The following LTN1 variants were observed in gnomAD, a reference collection of about 807,000 sequenced individuals.
LTN1 encodes listerin E3 ubiquitin protein ligase 1.
LTN1 carries 88 observed loss-of-function variants against 201.2 expected under a neutral mutation model. That is an observed-to-expected ratio of 0.44 (90% CI 0.37 to 0.52). The LOEUF is 0.52. LTN1 is among the 20% of genes least tolerant of loss of function. The pLI is 0.00. For missense variants in LTN1, 1,752 were observed against 2,038.7 expected, an observed-to-expected ratio of 0.86 and a Z score of 2.71; for synonymous variants, 645 against 713.5, an observed-to-expected ratio of 0.90 and a Z score of 1.53.
chr21:28,944,146 G>A (rs1054706315), intron 22 of LTN1, among the ~76,000 whole-genome samples: 2 of 152,114 alleles, frequency 1.3e-5, no homozygotes, highest in Non-Finnish European at 2.9e-5. Flanking sequence ...ATCCATTCAT[G>A]TTATCTGAAG....
At chr21:28,957,302 G>A (rs1425646776) in intron 15 of LTN1, 30 bp downstream of exon 15, 1 of 1,516,370 alleles carries the variant, frequency 6.6e-7, no homozygotes, top group Non-Finnish European at 8.8e-7. Context: ...ACTTCAGAAT[G>A]AGATATGTAC....
intron 1 of LTN1, among the ~76,000 whole-genome samples, chr21:28,990,122 G>C (rs988304277): frequency 1.1e-4 from 17 of 151,886 alleles, no homozygotes; most frequent in African/African-American, 4.1e-4. Flanking sequence ...TGCAACACTT[G>C]CCTTCCTCCA....
At chr21:28,939,524 A>G (rs759863841) in intron 25 of LTN1, among the ~76,000 whole-genome samples, 6 of 152,194 alleles carry the variant, frequency 3.9e-5, no homozygotes, top group Non-Finnish European at 7.3e-5. Flanking sequence ...GAACATTTAA[A>G]GTTTTCCGAA....
At chr21:28,965,831 C>CAAA in intron 11 of LTN1, 34 bp downstream of exon 11, 3 of 902,110 alleles carry the variant, frequency 3.3e-6, no homozygotes, top group South Asian at 1.9e-5. Context: ...CCCATAAATA[C>CAAA]AAAAAAAAAA....
intron 6 of LTN1, among the ~76,000 whole-genome samples, chr21:28,977,320 G>A (rs1200264162): frequency 2.0e-5 from 3 of 150,090 alleles, no homozygotes; most frequent in African/African-American, 2.5e-5. Context: ...GTTGCAGTGA[G>A]CTGAGATCAT....
At position 28,958,487 on chromosome 21, in the gene LTN1, C is replaced by T. The variant is rs776403878; in HGVS notation, c.2646G>A (p.Leu882=). The T allele has an allele frequency of 1.2e-6, 2 of 1,610,658 alleles. No individual in the cohort carries two copies. Among genetic ancestry groups the T allele is most frequent in the Admixed American group, 3.4e-5 (2 of 59,496 alleles). ...KNTWLSGVNL[L]VHQTDSSYKE... ...TATATGAACTGTCAGTTTGATGAACCAATAAATTTACACCAGAGAGCCAAG... is the reference window on the plus strand; with the variant it reads ...TATATGAACTGTCAGTTTGATGAACTAATAAATTTACACCAGAGAGCCAAG... The change falls in exon 14 of 30, where the codon TTG becomes TTA. Residue 882 remains leucine (L), a synonymous_variant. Transcript: ENST00000361371.
intron 11 of LTN1, 88 bp from the exon 12 acceptor site, chr21:28,960,794 TTC>T (rs1015550114): frequency 1.2e-6 from 1 of 848,766 alleles, no homozygotes; most frequent in African/African-American, 1.7e-5. Context: ...TTACTATCCC[TTC>T]GTTATCATGG....
rs1160828934 is a variant in LTN1, at chr21:28,945,898, C to T, written c.3677G>A (p.Arg1226Gln). 2.5e-6 allele frequency: 4 copies of T among 1,613,190 alleles called. No homozygotes were observed. The highest frequency in any genetic ancestry group is 2.7e-5 in the African/African-American group (2 of 74,838). ...GTATTTCAGAAATAGGGAAAGAAACCGGATTATTTCTATATTTACACCCAG... is the reference window on the plus strand; with the variant it reads ...GTATTTCAGAAATAGGGAAAGAAACTGGATTATTTCTATATTTACACCCAG... ...EVLGVNIEII[R>Q]FLSLFLKYCS... is the part of the protein sequence containing the mutation. The change falls in exon 21 of 30, where the codon CGG (arginine) becomes CAG (glutamine). Residue 1226 changes from arginine (R) to glutamine (Q), a missense_variant. Arg to Gln is a conservative substitution (Grantham distance 43). Around this residue, in one of 3 missense-constraint regions of LTN1, gnomAD observed 1,211 missense variants for 1,312.8 expected, o/e 0.92. Coordinates refer to ENST00000361371, the MANE Select transcript of LTN1 (RefSeq NM_015565.3).
At chr21:28,971,791 G>A (rs1044345877) in intron 6 of LTN1, among the ~76,000 whole-genome samples, 4 of 151,998 alleles carry the variant, frequency 2.6e-5, no homozygotes, top group African/African-American at 9.7e-5. Context: ...AAAGATCTGA[G>A]ACTTTAAATC....
chr21:28,968,121 AGAACTC>A (rs1252879418), intron 9 of LTN1: 7 of 152,206 alleles, frequency 4.6e-5, no homozygotes, highest in Non-Finnish European at 8.8e-5. Flanking sequence ...ATTTTCCCCT[AGAACTC>A]TGAAAAAGTT....
At chr21:28,960,418 A>AT (rs1257117100) in intron 12 of LTN1, 99 bp downstream of exon 12, 22 of 933,644 alleles carry the variant, frequency 2.4e-5, no homozygotes, top group Non-Finnish European at 3.4e-5. Flanking sequence ...AAGTCCTGTT[A>AT]TTTTTAACCA....
At chr21:28,963,433 C>T (rs539757110) in intron 11 of LTN1, among the ~76,000 whole-genome samples, 15 of 152,270 alleles carry the variant, frequency 9.9e-5, no homozygotes, top group African/African-American at 3.6e-4. Context: ...GACTAAATTA[C>T]AGCACGTTTA....
intron 6 of LTN1, among the ~76,000 whole-genome samples, 165 bp from the exon 7 acceptor site, chr21:28,971,609 C>T (rs772518793): frequency 8.5e-5 from 13 of 152,184 alleles, no homozygotes; most frequent in Non-Finnish European, 1.3e-4. Flanking sequence ...GCTGAAAAGG[C>T]ATAAGGAATT....
At position 28,992,781 on chromosome 21, in the gene LTN1, T is replaced by G. The variant is rs376952343; in HGVS notation, c.25A>C (p.Thr9Pro). The change falls in exon 1 of 30, where the codon ACT (threonine) becomes CCT (proline). Residue 9 changes from threonine (T) to proline (P), a missense_variant. Thr to Pro is a conservative substitution (Grantham distance 38). Around this residue, in one of 3 missense-constraint regions of LTN1, gnomAD observed 280 missense variants for 375.7 expected, o/e 0.75. Coordinates refer to ENST00000361371, the MANE Select transcript of LTN1 (RefSeq NM_015565.3). ...CCGCTCACCCTCAGGTTCCCTTTAG[T>G]TCGCTGCTTGTTCTTCCCGCCCATG... MGGKNKQRTKGNLRPSNSG... is the reference protein window; with the variant it reads MGGKNKQRPKGNLRPSNSG... 1.9e-4 allele frequency: 311 copies of G among 1,614,106 alleles called. No homozygotes were observed. Among genetic ancestry groups the G allele is most frequent in the Non-Finnish European group, 2.6e-4 (302 of 1,180,038 alleles).
rs2084567917 is a variant in LTN1, at chr21:28,970,740, G to A, written c.987C>T (p.Asp329=). ...TTTTTGCATTTACATGAAGCCAACA[G>A]TCCTAACCAAACAAAAGATTATAGT... ...AVLYTLTTIE[D]CWLHVNAKKS... The change falls in exon 8 of 30, where the codon GAC becomes GAT. Residue 329 remains aspartate, a splice_region_variant and synonymous_variant. Transcript: ENST00000361371. The A allele has an allele frequency of 6.2e-7, 1 of 1,610,408 alleles. No individual in the cohort carries two copies. Among genetic ancestry groups the A allele is most frequent in the African/African-American group, 1.3e-5 (1 of 74,882 alleles).
At chr21:28,932,352 GGAA>G (rs1373678965) in intron 28 of LTN1, 115 bp downstream of exon 28, 1 of 823,372 alleles carries the variant, frequency 1.2e-6, no homozygotes, top group Admixed American at 2.2e-5. Flanking sequence ...ATTTATCCAA[GGAA>G]GTTTAATATC....
Position 28,979,991 on chromosome 21 carries a change from T to G in LTN1, c.810+1128A>C, listed in dbSNP as rs568319712. 1.2e-3 allele frequency among the ~76,000 whole-genome samples: 178 copies of G among 152,068 alleles called. 1 individual carries two copies. The highest frequency in any genetic ancestry group is 3.9e-3 in the African/African-American group (163 of 41,498). On this transcript the variant is annotated intron_variant, in intron 6 of 29. Transcript: ENST00000361371. ...CCATCTGGAAAAATAAACAAAAAACTTGCAGTGTCTTGCAGTCATTTGTGG... is the reference window on the plus strand; with the variant it reads ...CCATCTGGAAAAATAAACAAAAAACGTGCAGTGTCTTGCAGTCATTTGTGG...
intron 1 of LTN1, among the ~76,000 whole-genome samples, chr21:28,991,515 C>A (rs2084745891): frequency 6.6e-6 from 1 of 152,050 alleles, no homozygotes; most frequent in South Asian, 2.1e-4. Flanking sequence ...CTTATAAGTT[C>A]AGAAAAATAC....
intron 16 of LTN1, among the ~76,000 whole-genome samples, chr21:28,956,313 A>T (rs991740874): frequency 6.6e-6 from 1 of 152,200 alleles, no homozygotes; most frequent in African/African-American, 2.4e-5. Context: ...GGTGATGGAT[A>T]TCCTGCTTAG....
Sources: allele counts gnomAD v4.1 joint callset (sites outside exome capture counted in the v4.1 genomes callset), GRCh38; gene constraint gnomAD v4.1.1; regional missense constraint gnomAD v4.1.1; transcripts MANE v1.5; gene names NCBI Gene and HGNC (gene_info 2026-07-23, HGNC 2026-07-21).